BAIAP2L1: variants seen among roughly 807,000 people sequenced by gnomAD.
BAIAP2L1 encodes BAR/IMD domain containing adaptor protein 2 like 1.
In BAIAP2L1, 35 loss-of-function variants were observed where a neutral mutation model predicts 66.3. That is an observed-to-expected ratio of 0.53 (90% confidence interval 0.40 to 0.70). The LOEUF is 0.70. BAIAP2L1 is among the 30% of genes least tolerant of loss of function. BAIAP2L1 has a pLI of 0.00. For missense variants in BAIAP2L1, 622 were observed against 656.9 expected (o/e 0.95, Z 0.58); for synonymous variants, 269 against 248.7 (o/e 1.08, Z -0.77).
Position 98,292,413 on chromosome 7 carries a change from A to AT in BAIAP2L1, c.*1107dup, listed in dbSNP as rs1433521068. 5 of 556,620 alleles carry AT rather than the reference A, an allele frequency of 9.0e-6. No homozygotes were observed. Among genetic ancestry groups the AT allele is most frequent in the Admixed American group, 6.3e-5 (2 of 31,688 alleles). The allele number at this position is 556,620 out of a possible 1,614,324, so 34.5% of individuals were successfully genotyped here. Reference sequence around the variant, plus strand: ...TAGTAGAGACTCCTGACCTCAGGTGATCCCCCTGCCTCGGCCTCACAAAAT... The same window carrying AT: ...TAGTAGAGACTCCTGACCTCAGGTGATTCCCCCTGCCTCGGCCTCACAAAAT... On this transcript the variant is annotated 3_prime_UTR_variant, in exon 14 of 14. Coordinates refer to ENST00000005260, the MANE Select transcript of BAIAP2L1 (RefSeq NM_018842.5).
chr7:98,306,310 A>C (rs1184705025), intron 11 of BAIAP2L1, 129 bp downstream of exon 11: 2 of 1,125,696 alleles, frequency 1.8e-6, no homozygotes, highest in African/African-American at 3.1e-5. Context: ...CCGCGGTCTC[A>C]TCTCTGACTA....
At position 98,296,614 on chromosome 7, in the gene BAIAP2L1, ACT is replaced by A. The variant is rs530122036; in HGVS notation, c.1423-2505_1423-2504del. Among the ~76,000 whole-genome samples, 1,064 of 152,284 alleles carry A rather than the reference ACT, an allele frequency of 7.0e-3. 8 individuals are homozygous for A. Among genetic ancestry groups the A allele is most frequent in the Middle Eastern group, 0.02 (6 of 294 alleles). On this transcript the variant is annotated intron_variant, in intron 12 of 13. Coordinates refer to ENST00000005260, the MANE Select transcript of BAIAP2L1 (RefSeq NM_018842.5). ...ACTCCAGCCTGGGCAACAGAGTGAG[ACT>A]CCATCTGTAAAAAACAAAAAAACAA...
rs1448318816 is a variant in BAIAP2L1 at position 98,292,106 on chromosome 7, CCTGG to C, written c.*1411_*1414del. On this transcript the variant is annotated 3_prime_UTR_variant, in exon 14 of 14. Coordinates refer to ENST00000005260, the MANE Select transcript of BAIAP2L1 (RefSeq NM_018842.5). ...AGAAGCAGATGGTAACACTGCTGGA[CCTGG>C]CTGGAAGGAGCCTGAAGCATCGGCC... 6.5e-6 allele frequency: 1 copy of C among 154,776 alleles called. No homozygotes were observed. Among genetic ancestry groups the C allele is most frequent in the African/African-American group, 2.4e-5 (1 of 41,466 alleles). 9.6% of individuals were successfully genotyped at this position (154,776 alleles called of 1,614,324 possible).
At chr7:98,388,122 C>T (rs1802941044) in intron 1 of BAIAP2L1, among the ~76,000 whole-genome samples, 1 of 152,088 alleles carries the variant, frequency 6.6e-6, no homozygotes, top group African/African-American at 2.4e-5. Context: ...TAACAGTTAG[C>T]CCTAATTGAA....
intron 1 of BAIAP2L1, among the ~76,000 whole-genome samples, chr7:98,372,252 A>G (rs941860972): frequency 6.6e-6 from 1 of 152,050 alleles, no homozygotes; most frequent in African/African-American, 2.4e-5. Context: ...CTAAAAATAC[A>G]AAAATTAGCT....
Position 98,293,405 on chromosome 7 carries a change from T to G in BAIAP2L1, c.*116A>C. The G allele has an allele frequency of 1.1e-6, 1 of 926,710 alleles. No homozygotes were observed. Among genetic ancestry groups the G allele is most frequent in the Non-Finnish European group, 1.7e-6 (1 of 590,590 alleles). The allele number at this position is 926,710 out of a possible 1,614,324, so 57.4% of individuals were successfully genotyped here. A position where few individuals can be genotyped will look rare whatever the true frequency, so the allele number is the denominator to read the frequency against. ...GCATGATTTGCTTAAGCAGGCGACATTAGAGTTAGGCCTCTCCACTGAAGC... is the reference window on the plus strand; with the variant it reads ...GCATGATTTGCTTAAGCAGGCGACAGTAGAGTTAGGCCTCTCCACTGAAGC... On this transcript the variant is annotated 3_prime_UTR_variant, in exon 14 of 14. Transcript: ENST00000005260.
At chr7:98,352,636 C>T (rs1488948549) in intron 3 of BAIAP2L1, among the ~76,000 whole-genome samples, 5 of 151,974 alleles carry the variant, frequency 3.3e-5, no homozygotes, top group East Asian at 3.9e-4. Flanking sequence ...AGTGAGGTTC[C>T]GTCTCAAAAA....
At chr7:98,325,694 CA>C (rs541148671) in intron 3 of BAIAP2L1, among the ~76,000 whole-genome samples, 6 of 146,248 alleles carry the variant, frequency 4.1e-5, no homozygotes, top group South Asian at 2.1e-4. Flanking sequence ...TATATACATA[CA>C]AAAAAAAAAT....
chr7:98,376,390 T>C (rs899757193), intron 1 of BAIAP2L1, among the ~76,000 whole-genome samples: 3 of 151,878 alleles, frequency 2.0e-5, no homozygotes, highest in African/African-American at 7.3e-5. Flanking sequence ...CGTGTGCTTG[T>C]GGTCCCAGCT....
chr7:98,387,929 T>C (rs1802935655), intron 1 of BAIAP2L1, among the ~76,000 whole-genome samples: 1 of 152,034 alleles, frequency 6.6e-6, no homozygotes, highest in Non-Finnish European at 1.5e-5. Context: ...AAGGACCATA[T>C]AGCTCCTTCA....
At chr7:98,395,331 C>T (rs954058536) in intron 1 of BAIAP2L1, among the ~76,000 whole-genome samples, 6 of 151,348 alleles carry the variant, frequency 4.0e-5, no homozygotes, top group Non-Finnish European at 5.9e-5. Context: ...CCCAACTACT[C>T]AGGAGTCTGA....
At chr7:98,381,258 C>A (rs936651966) in intron 1 of BAIAP2L1, among the ~76,000 whole-genome samples, 13 of 152,094 alleles carry the variant, frequency 8.5e-5, no homozygotes, top group African/African-American at 3.1e-4. Flanking sequence ...GGCGGGGTTT[C>A]CTAGGAAATC....
rs181714121 is a variant in BAIAP2L1 at position 98,359,514 on chromosome 7, G to A, written c.127+2843C>T. ...TCTCAATCTCTTGACCTCGTGATCC[G>A]CCCGCTTCGGCCTCCCAGTGTGCTG... On this transcript the variant is annotated intron_variant, in intron 2 of 13. Coordinates refer to ENST00000005260, the MANE Select transcript of BAIAP2L1 (RefSeq NM_018842.5). 3.3e-3 allele frequency among the ~76,000 whole-genome samples: 503 copies of A among 152,192 alleles called. 3 individuals carry two copies. The highest frequency in any genetic ancestry group is 0.011 in the African/African-American group (473 of 41,538).
Position 98,400,961 on chromosome 7 carries a change from C to T in BAIAP2L1, c.-109G>A. The T allele has an allele frequency of 9.8e-7, 1 of 1,016,124 alleles. No homozygotes were observed. The highest frequency in any genetic ancestry group is 2.8e-5 in the South Asian group (1 of 35,254). The allele number at this position is 1,016,124 out of a possible 1,614,324, so 62.9% of individuals were successfully genotyped here. A position where few individuals can be genotyped will look rare whatever the true frequency, so the allele number is the denominator to read the frequency against. On this transcript the variant is annotated 5_prime_UTR_variant, in exon 1 of 14. Transcript: ENST00000005260. ...GCGCGACTAAGGGGCTCTGGAGGGT[C>T]GGCCGCCGCCGCAGCCGTCGGCCCG...
chr7:98,380,876 A>G (rs1267678720), intron 1 of BAIAP2L1, among the ~76,000 whole-genome samples: 1 of 151,060 alleles, frequency 6.6e-6, no homozygotes, highest in African/African-American at 2.4e-5. Flanking sequence ...AGGGATCTAA[A>G]TCCCTAATGT....
chr7:98,320,083 A>T lies in BAIAP2L1; in HGVS notation c.323T>A (p.Ile108Lys). The change falls in exon 5 of 14, where the codon ATA (isoleucine) becomes AAA (lysine). Residue 108 changes from isoleucine to lysine, a missense_variant. Ile to Lys is a moderately radical substitution (Grantham distance 102, BLOSUM62 -3). Coordinates refer to ENST00000005260, the MANE Select transcript of BAIAP2L1 (RefSeq NM_018842.5). ...GTTCATATATTTCACGTCAAGTTCTATCTTCTTCTCCAGCTCATGGATAAT... is the reference window on the plus strand; with the variant it reads ...GTTCATATATTTCACGTCAAGTTCTTTCTTCTTCTCCAGCTCATGGATAAT... ...KEIIHELEKK[I>K]ELDVKYMNAT... 6 of 1,613,752 alleles carry T rather than the reference A, an allele frequency of 3.7e-6. No individual in the cohort carries two copies. Among genetic ancestry groups the T allele is most frequent in the Non-Finnish European group, 5.1e-6 (6 of 1,179,736 alleles).
chr7:98,382,466 G>T (rs1208462047), intron 1 of BAIAP2L1, among the ~76,000 whole-genome samples: 1 of 151,900 alleles, frequency 6.6e-6, no homozygotes, highest in Non-Finnish European at 1.5e-5. Context: ...AGCAACACAG[G>T]GAGACTGTGT....
intron 5 of BAIAP2L1, among the ~76,000 whole-genome samples, chr7:98,318,594 A>G (rs1801150321): frequency 6.6e-6 from 1 of 151,704 alleles, no homozygotes; most frequent in African/African-American, 2.4e-5. Context: ...AGGGTCTTAA[A>G]CGGACCCGCG....
intron 1 of BAIAP2L1, among the ~76,000 whole-genome samples, chr7:98,376,657 CAAAAA>C (rs71112147): frequency 5.4e-5 from 5 of 92,934 alleles, no homozygotes; most frequent in South Asian, 5.0e-4. Context: ...CCCATCTTTA[CAAAAA>C]AAAAAAAAAA....
Sources: allele counts gnomAD v4.1 joint callset (sites outside exome capture counted in the v4.1 genomes callset), GRCh38; gene constraint gnomAD v4.1.1; transcripts MANE v1.5; gene names NCBI Gene and HGNC (gene_info 2026-07-23, HGNC 2026-07-21).